The following EBF3 variants were observed in gnomAD, a reference collection of about 807,000 sequenced individuals.
EBF3 encodes transcription factor COE3.
A neutral mutation model predicts 77.1 loss-of-function variants in EBF3; 18 were observed. The ratio of observed to expected loss-of-function variants is 0.23; its 90% CI spans 0.16 to 0.35. The LOEUF is 0.35. Ranked by LOEUF, EBF3 falls within the 10% of genes least tolerant of loss-of-function variation. EBF3 has a pLI of 1.00. For synonymous variants in EBF3, 350 were observed against 343.5 expected, an observed-to-expected ratio of 1.02 and a Z score of -0.21; for missense variants, 558 against 860.0, an observed-to-expected ratio of 0.65 and a Z score of 4.39.
rs56225466 is a variant in EBF3, at chr10:129,960,459, G to A, written c.412-1452C>T. 6.4e-3 allele frequency among the ~76,000 whole-genome samples: 977 copies of A among 152,342 alleles called. 5 individuals carry two copies. Among genetic ancestry groups the A allele is most frequent in the Non-Finnish European group, 0.011 (740 of 68,034 alleles). On this transcript the variant is annotated intron_variant, in intron 4 of 16. Transcript: ENST00000440978. Reference sequence around the variant, plus strand: ...GGCCAACGAGTCGCCTGGCGCTGCAGGGCGCGTGGCCGCGGCGGGCACCAG... The same window carrying A: ...GGCCAACGAGTCGCCTGGCGCTGCAAGGCGCGTGGCCGCGGCGGGCACCAG...
At chr10:129,854,416 G>C (rs1258317174) in intron 10 of EBF3, among the ~76,000 whole-genome samples, 1 of 152,104 alleles carries the variant, frequency 6.6e-6, no homozygotes, top group Non-Finnish European at 1.5e-5. Flanking sequence ...CAGCTGAGAG[G>C]AGGGCTACGT....
At chr10:129,882,028 G>A (rs114891004) in intron 6 of EBF3, among the ~76,000 whole-genome samples, 58 of 152,340 alleles carry the variant, frequency 3.8e-4, no homozygotes, top group African/African-American at 1.3e-3. Context: ...GGGATCAACC[G>A]TTTTAACTGG....
chr10:129,841,779 A>G lies in EBF3; in HGVS notation c.1372+337T>C, dbSNP rs911915337. ...CCAAGCAGGCTCCCCTCAGCTCCCT[A>G]GGCCATGGCTATCCTATGGCTTAGC... On this transcript the variant is annotated intron_variant, in intron 13 of 16. Coordinates refer to ENST00000440978, the MANE Select transcript of EBF3 (RefSeq NM_001375380.1). This position sits in a 1 kb window ranked among gnomAD's most constrained non-coding sequence, Gnocchi z 4.6. Among the ~76,000 whole-genome samples the G allele has an allele frequency of 6.6e-6, 1 of 152,132 alleles. No individual in the cohort carries two copies. The highest frequency in any genetic ancestry group is 2.4e-5 in the African/African-American group (1 of 41,420).
In EBF3 at chr10:129,864,492, A is replaced by G. The variant is rs960023630; in HGVS notation, c.1039+2649T>C. Reference sequence around the variant, plus strand: ...CTTTCAGCAATCTTCTTTCTTAAAAAAGTCTCATTTCTAACAATAGCTGTG... The same window carrying G: ...CTTTCAGCAATCTTCTTTCTTAAAAGAGTCTCATTTCTAACAATAGCTGTG... On this transcript the variant is annotated intron_variant, in intron 10 of 16. Coordinates refer to ENST00000440978, the MANE Select transcript of EBF3 (RefSeq NM_001375380.1). The surrounding 1 kb of genome is among the most constrained non-coding windows in gnomAD (Gnocchi z 4.4). 6.6e-6 allele frequency among the ~76,000 whole-genome samples: 1 copy of G among 152,212 alleles called. No homozygotes were observed. The highest frequency in any genetic ancestry group is 1.5e-5 in the Non-Finnish European group (1 of 68,032).
At chr10:129,865,530 G>A (rs1426725321) in intron 10 of EBF3, among the ~76,000 whole-genome samples, 1 of 152,126 alleles carries the variant, frequency 6.6e-6, no homozygotes, top group East Asian at 1.9e-4. Context: ...TCCCACAGAA[G>A]GTGGCCCCTA....
Position 129,835,816 on chromosome 10 carries a change from G to A in EBF3, c.*2127C>T, listed in dbSNP as rs543907952. The stretch of plus-strand genomic sequence containing the variant: ...CAGTTTGCAAAATGTTTGCTGTGCC[G>A]TGTCTGCAAAGCACTTAGTGCAAAG... On this transcript the variant is annotated 3_prime_UTR_variant, in exon 17 of 17. Transcript: ENST00000440978. The A allele has an allele frequency of 4.0e-5, 6 of 151,860 alleles. 1 individual carries two copies. In the South Asian group the frequency reaches 8.4e-4, roughly 21 times the overall value. The allele number at this position is 151,860 out of a possible 1,614,324, so 9.4% of individuals were successfully genotyped here.
At position 129,848,361 on chromosome 10, in the gene EBF3, T is replaced by C. The variant is rs1379292734; in HGVS notation, c.1128+31A>G. On this transcript the variant is annotated intron_variant, in intron 11 of 16. Transcript: ENST00000440978. The surrounding 1 kb of genome is among the most constrained non-coding windows in gnomAD (Gnocchi z 4.4). ...AACCAGCCCAGTGGCGGCCCCACCA[T>C]GAGCGGGGTGCCACTTGCTCTTTTA... 2 of 1,605,998 alleles carry C rather than the reference T, an allele frequency of 1.2e-6. No individual in the cohort carries two copies. The highest frequency in any genetic ancestry group is 8.5e-7 in the Non-Finnish European group (1 of 1,172,862).
chr10:129,964,016 G>T lies in EBF3; in HGVS notation c.-248C>A. On this transcript the variant is annotated 5_prime_UTR_variant, in exon 1 of 17. Transcript: ENST00000440978. This position sits in a 1 kb window ranked among gnomAD's most constrained non-coding sequence, Gnocchi z 4.5. ...GCGGCGCTTCGAAGGAGCAGGACGC[G>T]GTGGCCGCGGCGGCGCTTGTTGTTG... is the stretch of plus-strand genomic sequence containing the variant. 1.0e-6 allele frequency: 1 copy of T among 985,194 alleles called. No homozygotes were observed. The highest frequency in any genetic ancestry group is 1.7e-5 in the African/African-American group (1 of 57,330). 61.0% of individuals were successfully genotyped at this position (985,194 alleles called of 1,614,324 possible).
chr10:129,856,767 C>T (rs1851280600), intron 10 of EBF3, among the ~76,000 whole-genome samples: 1 of 152,206 alleles, frequency 6.6e-6, no homozygotes, highest in Admixed American at 6.5e-5. Flanking sequence ...CTGATGGTTG[C>T]ACAAACTTTG....
At chr10:129,880,354 C>T (rs1295616890) in intron 6 of EBF3, among the ~76,000 whole-genome samples, 5 of 151,774 alleles carry the variant, frequency 3.3e-5, no homozygotes, top group Admixed American at 3.3e-4. Flanking sequence ...TGCCCACAGA[C>T]ACACATGCCC....
intron 8 of EBF3, 139 bp downstream of exon 8, chr10:129,873,313 C>A: frequency 9.5e-7 from 1 of 1,049,474 alleles, no homozygotes; most frequent in Non-Finnish European, 1.2e-6. Flanking sequence ...TCGGGGACAC[C>A]CCCTCATCCT....
intron 8 of EBF3, among the ~76,000 whole-genome samples, chr10:129,868,583 G>A (rs923652120): frequency 2.0e-5 from 3 of 152,312 alleles, no homozygotes; most frequent in East Asian, 3.9e-4. Flanking sequence ...CTGCTGCACC[G>A]GCCGCAGAGG....
intron 10 of EBF3, among the ~76,000 whole-genome samples, chr10:129,856,912 T>C (rs1313360199): frequency 6.6e-6 from 1 of 152,216 alleles, no homozygotes; most frequent in Non-Finnish European, 1.5e-5. Flanking sequence ...GCCAGCTCCA[T>C]CTGTACTAAG....
chr10:129,892,326 C>T (rs538918366), intron 6 of EBF3, among the ~76,000 whole-genome samples: 48 of 152,328 alleles, frequency 3.2e-4, no homozygotes, highest in African/African-American at 1.1e-3. Context: ...GAACCCACTC[C>T]CGTAAAAGCA....
rs1406287936 is a variant in EBF3 at position 129,837,963 on chromosome 10, G to A, written c.1873-3C>T. The A allele has an allele frequency of 6.2e-7, 1 of 1,614,090 alleles. No homozygotes were observed. Among genetic ancestry groups the A allele is most frequent in the African/African-American group, 1.3e-5 (1 of 75,064 alleles). ...CGGGACTACCAGCCCAGACATAGCT[G>A]CAAGACAGAAGGACAGAGCAGTTAC... On this transcript the variant is annotated splice_polypyrimidine_tract_variant and splice_region_variant and intron_variant, in intron 16 of 16. Coordinates refer to ENST00000440978, the MANE Select transcript of EBF3 (RefSeq NM_001375380.1).
At chr10:129,920,272 C>T (rs1856193084) in intron 6 of EBF3, among the ~76,000 whole-genome samples, 1 of 142,760 alleles carries the variant, frequency 7.0e-6, no homozygotes, top group Non-Finnish European at 1.5e-5. Flanking sequence ...CAGTCTAGGG[C>T]GAGTATCTCC....
In EBF3 at chr10:129,868,509, G is replaced by A. The variant is rs144193986; in HGVS notation, c.782-597C>T. The stretch of plus-strand genomic sequence containing the variant: ...ATTGTTTGTCGACAGGGATCCCCGC[G>A]CCGCTGGCGTGACCTCTCTTTGTCT... On this transcript the variant is annotated intron_variant, in intron 8 of 16. Coordinates refer to ENST00000440978, the MANE Select transcript of EBF3 (RefSeq NM_001375380.1). 2.4e-3 allele frequency among the ~76,000 whole-genome samples: 366 copies of A among 152,334 alleles called. 2 individuals carry two copies. The highest frequency in any genetic ancestry group is 8.0e-3 in the African/African-American group (334 of 41,576).
intron 8 of EBF3, among the ~76,000 whole-genome samples, chr10:129,869,769 G>A (rs1046263019): frequency 5.3e-5 from 8 of 152,158 alleles, no homozygotes; most frequent in East Asian, 1.9e-4. Context: ...ATCTCCCTCC[G>A]CAGCAGAGGC....
chr10:129,844,598 T>TTTA (rs1850323690), intron 11 of EBF3, among the ~76,000 whole-genome samples: 1 of 152,168 alleles, frequency 6.6e-6, no homozygotes, highest in South Asian at 2.1e-4. Flanking sequence ...CTCTGGACCC[T>TTTA]TTATTTATCA....
Sources: gnomAD v4.1 joint callset for allele counts (sites outside exome capture counted in the v4.1 genomes callset) on GRCh38, gnomAD v4.1.1 for gene constraint, Gnocchi (gnomAD v3.1) non-coding constraint, MANE v1.5 for transcripts, NCBI Gene and HGNC (gene_info 2026-07-23, HGNC 2026-07-21) for gene names.